The following FMN1 variants were observed in gnomAD, a reference collection of about 807,000 sequenced individuals.
FMN1 encodes the protein formin-1.
FMN1 carries 110 observed loss-of-function variants against 132.4 expected under a neutral mutation model. That is an observed-to-expected ratio of 0.83 (90% CI 0.71 to 0.97). The LOEUF is 0.97. FMN1 is among the 50% of genes least tolerant of loss of function. FMN1 has a pLI of 0.00. For synonymous variants in FMN1, 722 were observed against 651.7 expected, an observed-to-expected ratio of 1.11 and a Z score of -1.64; for missense variants, 1,792 against 1,705.3, an observed-to-expected ratio of 1.05 and a Z score of -0.90.
At chr15:32,853,761 C>T (rs562699433) in intron 17 of FMN1, among the ~76,000 whole-genome samples, 1 of 152,326 alleles carries the variant, frequency 6.6e-6, no homozygotes, top group East Asian at 1.9e-4. Flanking sequence ...AACAGCCTGA[C>T]CAAGTAGCAT....
chr15:33,009,326 AG>A (rs1380787143), intron 6 of FMN1, among the ~76,000 whole-genome samples: 1 of 152,182 alleles, frequency 6.6e-6, no homozygotes, highest in African/African-American at 2.4e-5. Context: ...TGCTCATCAA[AG>A]CAGACTGAGT....
chr15:32,931,975 A>G (rs1336326417), intron 9 of FMN1, among the ~76,000 whole-genome samples: 2 of 152,190 alleles, frequency 1.3e-5, no homozygotes, highest in Non-Finnish European at 2.9e-5. Context: ...ATCTATCAAA[A>G]TATTTTTATC....
chr15:33,124,996 G>A (rs1464912025), intron 4 of FMN1, among the ~76,000 whole-genome samples: 2 of 152,070 alleles, frequency 1.3e-5, no homozygotes, highest in Admixed American at 1.3e-4. Context: ...TATATTCCTG[G>A]AATGTATAAA....
intron 5 of FMN1, chr15:33,068,129 G>T: frequency 4.5e-6 from 4 of 885,374 alleles, no homozygotes; most frequent in Non-Finnish European, 6.2e-6. Flanking sequence ...AGAAGCAGCC[G>T]AGGCTGCGCA....
intron 6 of FMN1, among the ~76,000 whole-genome samples, chr15:33,040,833 A>G (rs1018309319): frequency 6.6e-6 from 1 of 152,226 alleles, no homozygotes; most frequent in African/African-American, 2.4e-5. Flanking sequence ...AAATAACTTC[A>G]GAGATTAGCA....
chr15:33,075,279 G>C (rs2038164217), intron 5 of FMN1, among the ~76,000 whole-genome samples: 1 of 152,086 alleles, frequency 6.6e-6, no homozygotes. Flanking sequence ...AGCTTCCTTA[G>C]GGACACCAAC....
chr15:32,782,708 ATTGT>A (rs1388756118), intron 19 of FMN1, among the ~76,000 whole-genome samples: 2 of 152,194 alleles, frequency 1.3e-5, no homozygotes, highest in African/African-American at 4.8e-5. Context: ...CAACCTCCTC[ATTGT>A]TTGTGGACTT....
intron 19 of FMN1, among the ~76,000 whole-genome samples, chr15:32,796,746 C>T (rs188938112): frequency 6.6e-6 from 1 of 152,254 alleles, no homozygotes; most frequent in East Asian, 1.9e-4. Flanking sequence ...TAAGAAAACC[C>T]TGGATATCAA....
At chr15:33,190,639 A>T (rs1176125813) in intron 2 of FMN1, among the ~76,000 whole-genome samples, 2 of 152,190 alleles carry the variant, frequency 1.3e-5, no homozygotes, top group East Asian at 3.9e-4. Flanking sequence ...GCATTTCTAG[A>T]CTACTAGTCT....
At chr15:33,012,956 T>C in intron 6 of FMN1, 1 of 474,298 alleles carries the variant, frequency 2.1e-6, no homozygotes, top group South Asian at 1.6e-5. Context: ...GGAAAAAACT[T>C]TGGAGGCAAA....
Position 32,798,817 on chromosome 15 carries a change from T to C in FMN1, c.4117A>G (p.Ile1373Val). The C allele has an allele frequency of 6.2e-7, 1 of 1,612,472 alleles. No individual in the cohort carries two copies. Among genetic ancestry groups the C allele is most frequent in the Non-Finnish European group, 8.5e-7 (1 of 1,179,232 alleles). Residue 1373 changes from isoleucine (I) to valine (V), a missense_variant, in exon 19 of 21, where the codon ATA becomes GTA. Transcript: ENST00000616417. ...TTTGAACCTTACCTTTCTTTAGATA[T>C]GTTTTTACTCTCCCGTTTCCAAATT... The part of the protein sequence containing the change: ...KTIWKRESKN[I>V]SKERLKMAQE...
At chr15:33,106,076 C>T (rs929881065) in intron 4 of FMN1, 2 of 152,072 alleles carry the variant, frequency 1.3e-5, no homozygotes, top group African/African-American at 4.8e-5. Context: ...TCTGAGCAGC[C>T]ATGTCTCAAC....
At position 32,857,070 on chromosome 15, in the gene FMN1, G is replaced by GA; in HGVS notation, c.3872_3873insT (p.Glu1294GlyfsTer22). ...TGAAAGGCTGGAGATACTCCTTTGGGGACTCCTTGCACACCACCACCATCT... is the reference window on the plus strand; with the variant it reads ...TGAAAGGCTGGAGATACTCCTTTGGGAGACTCCTTGCACACCACCACCATCT... On this transcript the variant is annotated frameshift_variant, in exon 17 of 21. Coordinates refer to ENST00000616417, the MANE Select transcript of FMN1 (RefSeq NM_001277313.2). LOFTEE classifies it high-confidence loss of function. 2 of 1,613,806 alleles carry GA rather than the reference G, an allele frequency of 1.2e-6. No homozygotes were observed. Among genetic ancestry groups the GA allele is most frequent in the Non-Finnish European group, 1.7e-6 (2 of 1,179,750 alleles).
Position 32,770,061 on chromosome 15 carries a change from A to T in FMN1, c.*4249T>A, listed in dbSNP as rs891214922. Reference sequence around the variant, plus strand: ...CAGATATGTGGGAGGGGGGAAGGCTATATATTTTTGGACTTCTTCCTTTTT... The same window carrying T: ...CAGATATGTGGGAGGGGGGAAGGCTTTATATTTTTGGACTTCTTCCTTTTT... On this transcript the variant is annotated 3_prime_UTR_variant, in exon 21 of 21. Transcript: ENST00000616417. The T allele has an allele frequency of 7.9e-5, 12 of 152,166 alleles. No individual in the cohort carries two copies. Among genetic ancestry groups the T allele is most frequent in the African/African-American group, 2.4e-4 (10 of 41,454 alleles). 9.4% of individuals were successfully genotyped at this position (152,166 alleles called of 1,614,324 possible).
rs1336365705 is a variant in FMN1, at chr15:33,153,047, C to G, written c.1867+1G>C. ...TCAAAGCATCTTAAACAGAGACTAA[C>G]CTGGAGGTGACTGGTGCTGGGGCTC... On this transcript the variant is annotated splice_donor_variant, in intron 4 of 20. Coordinates refer to ENST00000616417, the MANE Select transcript of FMN1 (RefSeq NM_001277313.2). LOFTEE classifies it high-confidence loss of function. The G allele has an allele frequency of 1.3e-6, 2 of 1,515,986 alleles. No homozygotes were observed. Among genetic ancestry groups the G allele is most frequent in the Non-Finnish European group, 1.8e-6 (2 of 1,138,628 alleles). 93.9% of individuals were successfully genotyped at this position (1,515,986 alleles called of 1,614,324 possible).
chr15:33,040,125 A>T (rs1005901173), intron 6 of FMN1, among the ~76,000 whole-genome samples: 4 of 152,180 alleles, frequency 2.6e-5, no homozygotes, highest in African/African-American at 9.7e-5. Context: ...TCTCATGTAT[A>T]TCATTCATAA....
rs753993602 is a variant in FMN1 at position 33,181,707 on chromosome 15, C to CTTTTTTTTTTT, written c.-196-1456_-196-1446dup. 1.2e-4 allele frequency among the ~76,000 whole-genome samples: 15 copies of CTTTTTTTTTTT among 126,214 alleles called. 1 individual carries two copies. The highest frequency in any genetic ancestry group is 1.3e-4 in the Non-Finnish European group (8 of 59,926). 82.8% of individuals were successfully genotyped at this position (126,214 alleles called of 152,430 possible). A position where few individuals can be genotyped will look rare whatever the true frequency, so the allele number is the denominator to read the frequency against. Reference sequence around the variant, plus strand: ...TATTCTTTTCTTTTCTTTTTTCTTTCTTTTTTTTTTTTTTTTTTGAGATGG... The same window carrying CTTTTTTTTTTT: ...TATTCTTTTCTTTTCTTTTTTCTTTCTTTTTTTTTTTTTTTTTTTTTTTTTTTTTGAGATGG... On this transcript the variant is annotated intron_variant, in intron 2 of 20. Transcript: ENST00000616417.
At chr15:32,886,807 G>A (rs1011110903) in intron 16 of FMN1, among the ~76,000 whole-genome samples, 3 of 152,136 alleles carry the variant, frequency 2.0e-5, no homozygotes, top group African/African-American at 7.2e-5. Context: ...TCTACCAGTG[G>A]AGAGGGACAG....
intron 18 of FMN1, among the ~76,000 whole-genome samples, chr15:32,802,410 G>A (rs996244280): frequency 1.1e-4 from 16 of 152,180 alleles, no homozygotes; most frequent in Admixed American, 6.5e-4. Context: ...TAGCCTCAGA[G>A]TAAATTGTTT....
Sources: allele counts gnomAD v4.1 joint callset (sites outside exome capture counted in the v4.1 genomes callset), GRCh38; gene constraint gnomAD v4.1.1; transcripts MANE v1.5; gene names NCBI Gene and HGNC (gene_info 2026-07-23, HGNC 2026-07-21).